TACR3: variants seen among roughly 807,000 people sequenced by gnomAD.
The protein encoded by TACR3 is tachykinin receptor 3.
A neutral mutation model predicts 35.0 loss-of-function variants in TACR3; 34 were observed. The ratio of observed to expected loss-of-function variants is 0.97; its 90% CI spans 0.74 to 1.30. The LOEUF (loss-of-function observed/expected upper bound fraction) is 1.30, where lower values mean the gene tolerates loss of function less well. TACR3 is among the 50% of genes most tolerant of loss of function. The probability of loss-of-function intolerance (pLI) is 0.00; values close to 1 mark genes in which losing one functional copy is unlikely to be tolerated. For synonymous variants in TACR3, 233 were observed against 221.1 expected, an observed-to-expected ratio of 1.05 and a Z score of -0.48; for missense variants, 558 against 591.7, an observed-to-expected ratio of 0.94 and a Z score of 0.59.
At chr4:103,667,188 G>T (rs1053436136) in intron 1 of TACR3, among the ~76,000 whole-genome samples, 4 of 152,130 alleles carry the variant, frequency 2.6e-5, no homozygotes, top group African/African-American at 9.7e-5. Flanking sequence ...AACCCAGGAG[G>T]CGGAGGTTGC....
chr4:103,637,388 A>G (rs1030581322), intron 3 of TACR3, among the ~76,000 whole-genome samples: 1 of 152,050 alleles, frequency 6.6e-6, no homozygotes, highest in African/African-American at 2.4e-5. Context: ...AAATTCAGCA[A>G]CCCTTCATGC....
intron 1 of TACR3, among the ~76,000 whole-genome samples, chr4:103,712,421 A>G (rs1722989730): frequency 1.3e-5 from 2 of 152,232 alleles, no homozygotes; most frequent in South Asian, 4.1e-4. Context: ...GGCTAGCCAT[A>G]TGTAGAAAGC....
At chr4:103,622,646 G>A (rs1313185751) in intron 3 of TACR3, among the ~76,000 whole-genome samples, 3 of 152,082 alleles carry the variant, frequency 2.0e-5, no homozygotes, top group Admixed American at 6.6e-5. Context: ...GGAGAATGGC[G>A]TGAACCCGGG....
intron 3 of TACR3, among the ~76,000 whole-genome samples, chr4:103,651,670 A>G (rs1340028396): frequency 2.0e-5 from 3 of 151,652 alleles, no homozygotes; most frequent in Non-Finnish European, 4.4e-5. Context: ...GTTTTTCCCT[A>G]TAGCCCCCAC....
chr4:103,647,102 G>GT (rs34900204), intron 3 of TACR3, among the ~76,000 whole-genome samples: 1 of 151,772 alleles, frequency 6.6e-6, no homozygotes, highest in African/African-American at 2.4e-5. Context: ...TTCTAGAATA[G>GT]TTTTTTACAA....
In TACR3 at chr4:103,591,514, G is replaced by C; in HGVS notation, c.1058C>G (p.Pro353Arg). The C allele has an allele frequency of 6.2e-7, 1 of 1,613,832 alleles. No individual in the cohort carries two copies. Among genetic ancestry groups the C allele is most frequent in the Non-Finnish European group, 8.5e-7 (1 of 1,179,800 alleles). Residue 353 changes from proline (P) to arginine (R), a missense_variant, in exon 4 of 5, where the codon CCC (proline) becomes CGC (arginine). Transcript: ENST00000304883. ...WLAMSSTMYN[P>R]IIYCCLNKRF... The stretch of plus-strand genomic sequence containing the variant: ...TTTATTCAGACAGCAGTAGATGATG[G>C]GATTGTACATGGTTGAGCTCATTGC...
intron 4 of TACR3, 47 bp from the exon 5 acceptor site, chr4:103,590,041 G>C: frequency 6.3e-7 from 1 of 1,576,674 alleles, no homozygotes; most frequent in Non-Finnish European, 8.6e-7. Flanking sequence ...TTTTCAAGCA[G>C]ATATGTCTTT....
At chr4:103,654,923 G>C (rs1262716843) in intron 3 of TACR3, among the ~76,000 whole-genome samples, 1 of 152,108 alleles carries the variant, frequency 6.6e-6, no homozygotes, top group African/African-American at 2.4e-5. Context: ...TCATGTAAGA[G>C]GGCCATGTTT....
rs1360385646 is a variant in TACR3, at chr4:103,586,182, T to A, written c.*3500A>T. On this transcript the variant is annotated 3_prime_UTR_variant, in exon 5 of 5. Transcript: ENST00000304883. ...TACTTTATTCACTACAAACTTTATA[T>A]ACATTTACTTCTTATATAAACAGAT... 1 of 152,068 alleles carries A rather than the reference T, an allele frequency of 6.6e-6. No homozygotes were observed. Among genetic ancestry groups the A allele is most frequent in the Admixed American group, 6.6e-5 (1 of 15,236 alleles). 9.4% of individuals were successfully genotyped at this position (152,068 alleles called of 1,614,324 possible). A position where few individuals can be genotyped will look rare whatever the true frequency, so the allele number is the denominator to read the frequency against.
At chr4:103,620,410 A>C (rs1724748600) in intron 3 of TACR3, among the ~76,000 whole-genome samples, 1 of 152,242 alleles carries the variant, frequency 6.6e-6, no homozygotes. Flanking sequence ...TACTGGGTAC[A>C]CCAAAGAAAA....
chr4:103,649,653 T>C (rs529904979), intron 3 of TACR3, among the ~76,000 whole-genome samples: 1 of 152,256 alleles, frequency 6.6e-6, no homozygotes, highest in South Asian at 2.1e-4. Context: ...AGTATATAAA[T>C]TGTATTTTTC....
intron 3 of TACR3, among the ~76,000 whole-genome samples, chr4:103,642,521 C>A (rs890613187): frequency 2.0e-5 from 3 of 151,700 alleles, no homozygotes; most frequent in African/African-American, 7.3e-5. Flanking sequence ...ATAGATGGAA[C>A]TGGAGGACAT....
intron 3 of TACR3, among the ~76,000 whole-genome samples, chr4:103,600,212 A>G (rs1331159828): frequency 6.6e-6 from 1 of 152,088 alleles, no homozygotes; most frequent in Non-Finnish European, 1.5e-5. Context: ...GAATTTATCC[A>G]TTTCTTCTAG....
chr4:103,701,187 C>T (rs1266750012), intron 1 of TACR3, among the ~76,000 whole-genome samples: 1 of 152,086 alleles, frequency 6.6e-6, no homozygotes, highest in Non-Finnish European at 1.5e-5. Context: ...AGCTGATAGG[C>T]AACTTCAGCA....
intron 1 of TACR3, among the ~76,000 whole-genome samples, chr4:103,676,411 C>G (rs918731668): frequency 6.6e-6 from 1 of 152,114 alleles, no homozygotes; most frequent in African/African-American, 2.4e-5. Flanking sequence ...ATGCAGTAGA[C>G]AGTCAACCTA....
chr4:103,686,862 T>C (rs930366395), intron 1 of TACR3, among the ~76,000 whole-genome samples: 1 of 151,876 alleles, frequency 6.6e-6, no homozygotes, highest in African/African-American at 2.4e-5. Flanking sequence ...TTCCAATCAA[T>C]AGAAAAAGAG....
In TACR3 at chr4:103,605,967, T is replaced by G. The variant is rs1418637398; in HGVS notation, c.889-14284A>C. 6.7e-3 allele frequency among the ~76,000 whole-genome samples: 1,006 copies of G among 150,588 alleles called. 16 individuals are homozygous for G. Among genetic ancestry groups the G allele is most frequent in the African/African-American group, 0.024 (954 of 39,950 alleles). ...GTTTTTATGGTTTTAGGTCGTACGTTTAAGTCTTTAATCCATCTTGAATTA... is the reference window on the plus strand; with the variant it reads ...GTTTTTATGGTTTTAGGTCGTACGTGTAAGTCTTTAATCCATCTTGAATTA... On this transcript the variant is annotated intron_variant, in intron 3 of 4. Transcript: ENST00000304883.
chr4:103,709,172 C>T (rs1722876795), intron 1 of TACR3, among the ~76,000 whole-genome samples: 1 of 152,092 alleles, frequency 6.6e-6, no homozygotes, highest in Non-Finnish European at 1.5e-5. Flanking sequence ...AAAGATACTC[C>T]TCGAGAAGAG....
intron 3 of TACR3, among the ~76,000 whole-genome samples, chr4:103,644,719 AGAT>A (rs1245764908): frequency 6.6e-6 from 1 of 151,684 alleles, no homozygotes; most frequent in Admixed American, 6.6e-5. Context: ...TTTTATACCA[AGAT>A]GATAACATGC....
Sources: allele counts gnomAD v4.1 joint callset (sites outside exome capture counted in the v4.1 genomes callset), GRCh38; gene constraint gnomAD v4.1.1; transcripts MANE v1.5; gene names NCBI Gene and HGNC (gene_info 2026-07-23, HGNC 2026-07-21).